The following PRKCA variants were observed in gnomAD, a reference collection of about 807,000 sequenced individuals.
PRKCA encodes protein kinase C alpha, also known as protein kinase C alpha type.
Under a neutral mutation model 87.0 loss-of-function variants are expected in PRKCA, and 27 were observed. The ratio of observed to expected loss-of-function variants is 0.31; its 90% CI spans 0.23 to 0.43. The LOEUF is 0.43. Ranked by LOEUF, PRKCA falls within the 20% of genes least tolerant of loss-of-function variation. PRKCA has a pLI of 1.00. For synonymous variants in PRKCA, 329 were observed against 311.1 expected (o/e 1.06, Z -0.61); for missense variants, 518 against 852.3 (o/e 0.61, Z 4.88).
Position 66,302,926 on chromosome 17 carries a change from G to T in PRKCA, c.75G>T (p.Ala25=). 1 of 1,612,468 alleles carries T rather than the reference G, an allele frequency of 6.2e-7. No individual in the cohort carries two copies. Among genetic ancestry groups the T allele is most frequent in the Non-Finnish European group, 8.5e-7 (1 of 1,179,218 alleles). ...DVANRFARKG[A]LRQKNVHEVK... is the part of the protein sequence containing the mutation. The stretch of plus-strand genomic sequence containing the variant: ...CCAACCGCTTCGCCCGCAAAGGGGC[G>T]CTGAGGCAGAAGAACGTGCACGAGG... Residue 25 remains alanine, a synonymous_variant, in exon 1 of 17, where the codon GCG becomes GCT. Transcript: ENST00000413366.
intron 5 of PRKCA, among the ~76,000 whole-genome samples, chr17:66,669,833 C>T (rs886827575): frequency 1.1e-4 from 16 of 152,102 alleles, no homozygotes; most frequent in African/African-American, 3.6e-4. Context: ...ACCCAGGAGG[C>T]GGAGGTTGCA....
At chr17:66,439,657 G>A (rs1456347346) in intron 2 of PRKCA, among the ~76,000 whole-genome samples, 1 of 152,174 alleles carries the variant, frequency 6.6e-6, no homozygotes, top group Non-Finnish European at 1.5e-5. Context: ...CACGTTGGAG[G>A]TTTGTAGAGG....
At chr17:66,640,892 G>A (rs1598837485) in intron 3 of PRKCA, 1 of 425,526 alleles carries the variant, frequency 2.4e-6, no homozygotes, top group Non-Finnish European at 4.7e-6. Flanking sequence ...CAGGTGTGGT[G>A]GTTCACGCCT....
intron 15 of PRKCA, 77 bp downstream of exon 15, chr17:66,787,051 GA>G: frequency 8.9e-7 from 1 of 1,124,072 alleles, no homozygotes; most frequent in Non-Finnish European, 1.4e-6. Context: ...ACACTTCTAA[GA>G]GAGATGGCAG....
chr17:66,333,743 C>T (rs1017528743), intron 2 of PRKCA, among the ~76,000 whole-genome samples: 13 of 152,042 alleles, frequency 8.6e-5, no homozygotes, highest in East Asian at 1.9e-4. Context: ...CCATCTGTTC[C>T]GAGCCCTGAC....
At chr17:66,671,832 T>C (rs1301640756) in intron 5 of PRKCA, among the ~76,000 whole-genome samples, 1 of 152,086 alleles carries the variant, frequency 6.6e-6, no homozygotes, top group Non-Finnish European at 1.5e-5. Context: ...TAGCAGAAAG[T>C]TGAAGAAGAT....
intron 5 of PRKCA, among the ~76,000 whole-genome samples, chr17:66,661,763 G>A (rs1485435921): frequency 1.3e-5 from 2 of 152,210 alleles, no homozygotes. Context: ...GGTACCCGCA[G>A]GAAGCAAGTC....
At chr17:66,615,036 A>G (rs532767912) in intron 3 of PRKCA, among the ~76,000 whole-genome samples, 3 of 152,298 alleles carry the variant, frequency 2.0e-5, no homozygotes, top group Middle Eastern at 3.4e-3. Context: ...CTGTTGTACC[A>G]TACAAGCCCA....
intron 8 of PRKCA, among the ~76,000 whole-genome samples, chr17:66,725,537 G>A (rs1158998233): frequency 5.3e-5 from 8 of 151,996 alleles, no homozygotes; most frequent in Non-Finnish European, 1.2e-4. Flanking sequence ...GAGGCTGGGT[G>A]TGGTGGCTCA....
chr17:66,731,658 G>C (rs765455300), intron 8 of PRKCA, among the ~76,000 whole-genome samples: 24 of 152,202 alleles, frequency 1.6e-4, no homozygotes, highest in Non-Finnish European at 2.9e-4. Flanking sequence ...CTGAGGCCCT[G>C]GTGAGAGTCG....
intron 2 of PRKCA, among the ~76,000 whole-genome samples, chr17:66,465,482 C>T (rs765814289): frequency 9.9e-5 from 15 of 152,090 alleles, no homozygotes; most frequent in Non-Finnish European, 2.2e-4. Flanking sequence ...GCCTCAAACT[C>T]CTGGGCTCAA....
intron 14 of PRKCA, among the ~76,000 whole-genome samples, chr17:66,781,617 C>T (rs912606929): frequency 1.3e-5 from 2 of 152,210 alleles, no homozygotes; most frequent in South Asian, 4.2e-4. Flanking sequence ...TATCGTATCA[C>T]CCCACTTACA....
chr17:66,742,896 A>G (rs1974187635), intron 13 of PRKCA, 136 bp downstream of exon 13: 1 of 963,450 alleles, frequency 1.0e-6, no homozygotes, highest in African/African-American at 1.7e-5. Flanking sequence ...AACTGGACAA[A>G]ACAGACTAAA....
chr17:66,686,967 G>C, intron 5 of PRKCA, 144 bp from the exon 6 acceptor site: 1 of 711,002 alleles, frequency 1.4e-6, no homozygotes. Context: ...CTCATGTCGA[G>C]TGTTAGAGGC....
chr17:66,642,758 T>C (rs1334145686), intron 4 of PRKCA, among the ~76,000 whole-genome samples: 14 of 144,720 alleles, frequency 9.7e-5, no homozygotes, highest in Non-Finnish European at 2.1e-4. Context: ...GTTTGTTTAC[T>C]TCAAGAAACG....
intron 2 of PRKCA, among the ~76,000 whole-genome samples, chr17:66,469,501 AAAAG>A (rs1915232182): frequency 6.6e-6 from 1 of 152,244 alleles, no homozygotes; most frequent in African/African-American, 2.4e-5. Context: ...CTTAATTTAA[AAAAG>A]AAAGTCCATC....
intron 8 of PRKCA, among the ~76,000 whole-genome samples, chr17:66,719,192 AG>A (rs1973552148): frequency 6.6e-6 from 1 of 152,230 alleles, no homozygotes; most frequent in Non-Finnish European, 1.5e-5. Context: ...GGAAAAACCT[AG>A]GTGTCTAACA....
chr17:66,448,874 TAA>T (rs1234975053), intron 2 of PRKCA, among the ~76,000 whole-genome samples: 1 of 150,854 alleles, frequency 6.6e-6, no homozygotes, highest in African/African-American at 2.4e-5. Context: ...AAAAAAAATC[TAA>T]AAGTTTTTTA....
chr17:66,732,905 G>C, intron 9 of PRKCA, 80 bp downstream of exon 9: 2 of 1,508,994 alleles, frequency 1.3e-6, no homozygotes, highest in Non-Finnish European at 1.8e-6. Flanking sequence ...GTAGTTTGCA[G>C]AATAGCACAT....
Sources: gnomAD v4.1 joint callset for allele counts (sites outside exome capture counted in the v4.1 genomes callset) on GRCh38, gnomAD v4.1.1 for gene constraint, MANE v1.5 for transcripts, NCBI Gene and HGNC (gene_info 2026-07-23, HGNC 2026-07-21) for gene names.